The following CC2D1A variants were observed in gnomAD, a reference collection of about 807,000 sequenced individuals.
CC2D1A encodes the protein coiled-coil and C2 domain containing 1A.
CC2D1A carries 68 observed loss-of-function variants against 123.8 expected under a neutral mutation model. The ratio of observed to expected loss-of-function variants is 0.55; its 90% CI spans 0.45 to 0.67. The LOEUF (loss-of-function observed/expected upper bound fraction) is 0.67, where lower values mean the gene tolerates loss of function less well. Among genes scored for constraint, CC2D1A ranks in the 30% least tolerant of loss-of-function variants. CC2D1A has a pLI of 0.00. For synonymous variants in CC2D1A, 477 were observed against 528.0 expected, an observed-to-expected ratio of 0.90 and a Z score of 1.32; for missense variants, 1,185 against 1,290.3, an observed-to-expected ratio of 0.92 and a Z score of 1.25.
chr19:13,918,409 G>A (rs772854877), intron 7 of CC2D1A, 95 bp from the exon 8 acceptor site: 86 of 1,265,708 alleles, frequency 6.8e-5, no homozygotes, highest in Non-Finnish European at 8.3e-5. Flanking sequence ...GAGGGAGCTA[G>A]AAGTCCTCGG....
At position 13,906,468 on chromosome 19, in the gene CC2D1A, AC is replaced by A; in HGVS notation, c.32del (p.Pro11ArgfsTer22). 1.3e-6 allele frequency: 2 copies of A among 1,514,084 alleles called. No homozygotes were observed. Among genetic ancestry groups the A allele is most frequent in the Non-Finnish European group, 8.8e-7 (1 of 1,133,852 alleles). The allele number at this position is 1,514,084 out of a possible 1,614,324, so 93.8% of individuals were successfully genotyped here. A position where few individuals can be genotyped will look rare whatever the true frequency, so the allele number is the denominator to read the frequency against. On this transcript the variant is annotated frameshift_variant, in exon 1 of 29. Transcript: ENST00000318003. LOFTEE classifies it high-confidence loss of function. This position sits in a 1 kb window ranked among gnomAD's most constrained non-coding sequence, Gnocchi z 4.1. ...TGCACAAGAGGAAAGGACCCCCGGG[AC>A]CCCCGGGCAGAGGCGCCGCGGCCGC... is the stretch of plus-strand genomic sequence containing the variant. MHKRKGPPG[P>X]PGRGAAAARQ...
At chr19:13,928,770 G>A (rs1226842843) in intron 24 of CC2D1A, among the ~76,000 whole-genome samples, 13 of 147,244 alleles carry the variant, frequency 8.8e-5, no homozygotes, top group East Asian at 2.0e-4. Context: ...GTGCAATGGC[G>A]CGATCTCAGC....
chr19:13,930,491 G>T lies in CC2D1A; in HGVS notation c.*96G>T, dbSNP rs140566596. 527 of 1,378,390 alleles carry T rather than the reference G, an allele frequency of 3.8e-4. 5 individuals are homozygous for T. The African/African-American group carries it at 6.7e-3, about 17-fold the overall frequency. The allele number at this position is 1,378,390 out of a possible 1,614,324, so 85.4% of individuals were successfully genotyped here. On this transcript the variant is annotated 3_prime_UTR_variant, in exon 29 of 29. Coordinates refer to ENST00000318003, the MANE Select transcript of CC2D1A (RefSeq NM_017721.5). The surrounding 1 kb of genome is among the most constrained non-coding windows in gnomAD (Gnocchi z 6.8). ...CACGAACCAGACAAGCAGACAATCA[G>T]CGGACAATCGGTTCTGGACTCACCC...
Position 13,923,228 on chromosome 19 carries a change from C to T in CC2D1A, c.1642-105C>T, listed in dbSNP as rs1244884209. On this transcript the variant is annotated intron_variant, in intron 14 of 28. Coordinates refer to ENST00000318003, the MANE Select transcript of CC2D1A (RefSeq NM_017721.5). This position sits in a 1 kb window ranked among gnomAD's most constrained non-coding sequence, Gnocchi z 5.3. Reference sequence around the variant, plus strand: ...AAAGACCAGAGAAGGGTGACAGAGCCGTGGTCAGGGAATGCCCCTCGTCAA... The same window carrying T: ...AAAGACCAGAGAAGGGTGACAGAGCTGTGGTCAGGGAATGCCCCTCGTCAA... The T allele has an allele frequency of 1.6e-5, 22 of 1,363,034 alleles. No homozygotes were observed. Among genetic ancestry groups the T allele is most frequent in the Non-Finnish European group, 2.1e-5 (21 of 1,010,224 alleles). The allele number at this position is 1,363,034 out of a possible 1,614,324, so 84.4% of individuals were successfully genotyped here.
chr19:13,924,701 C>T (rs1015591676), intron 17 of CC2D1A, among the ~76,000 whole-genome samples: 7 of 152,280 alleles, frequency 4.6e-5, no homozygotes, highest in Admixed American at 2.6e-4. Flanking sequence ...TTAAATGATC[C>T]GCCTGCCTTG....
chr19:13,906,464 C>A lies in CC2D1A; in HGVS notation c.23C>A (p.Pro8Gln). The A allele has an allele frequency of 6.6e-7, 1 of 1,516,182 alleles. No homozygotes were observed. 93.9% of individuals were successfully genotyped at this position (1,516,182 alleles called of 1,614,324 possible). A position where few individuals can be genotyped will look rare whatever the true frequency, so the allele number is the denominator to read the frequency against. Residue 8 changes from proline (P) to glutamine (Q), a missense_variant, in exon 1 of 29, where the codon CCG becomes CAG. Pro to Gln is a moderately conservative substitution (Grantham distance 76). Transcript: ENST00000318003. This position sits in a 1 kb window ranked among gnomAD's most constrained non-coding sequence, Gnocchi z 4.1. Reference protein sequence around the residue: MHKRKGPPGPPGRGAAAA... With the variant: MHKRKGPQGPPGRGAAAA... ...AAGATGCACAAGAGGAAAGGACCCC[C>A]GGGACCCCCGGGCAGAGGCGCCGCG...
chr19:13,908,306 G>A (rs758969122), intron 1 of CC2D1A, among the ~76,000 whole-genome samples: 1 of 151,752 alleles, frequency 6.6e-6, no homozygotes, highest in Non-Finnish European at 1.5e-5. Context: ...CACCGTGCCC[G>A]GCCTAATTTT....
chr19:13,909,348 C>G (rs1486924595), intron 1 of CC2D1A, among the ~76,000 whole-genome samples: 1 of 151,792 alleles, frequency 6.6e-6, no homozygotes, highest in Non-Finnish European at 1.5e-5. Flanking sequence ...TGCACTCCAG[C>G]CTGGGTGACA....
intron 17 of CC2D1A, among the ~76,000 whole-genome samples, chr19:13,926,069 C>CGTATATATATGTATAT (rs1568419149): frequency 3.2e-4 from 26 of 82,008 alleles, no homozygotes; most frequent in African/African-American, 2.8e-3. Flanking sequence ...TATATATACA[C>CGTATATATATGTATAT]ACACACACAC....
Position 13,929,486 on chromosome 19 carries a change from G to A in CC2D1A, c.2583+44G>A, listed in dbSNP as rs199875837. 334 of 1,612,812 alleles carry A rather than the reference G, an allele frequency of 2.1e-4. 3 individuals carry two copies. The African/African-American group carries it at 4.0e-3, about 20-fold the overall frequency. ...GGGCTACATGGGGCAGGACTGGGGA[G>A]TCTGCAGGCCCAGGCAGGATCCTCA... On this transcript the variant is annotated intron_variant, in intron 25 of 28. Transcript: ENST00000318003.
intron 2 of CC2D1A, among the ~76,000 whole-genome samples, chr19:13,911,550 T>G (rs954692928): frequency 3.3e-5 from 5 of 149,772 alleles, no homozygotes; most frequent in African/African-American, 1.2e-4. Context: ...TGTGTGTTTT[T>G]TTTTTTTTTT....
intron 9 of CC2D1A, 27 bp downstream of exon 9, chr19:13,918,844 G>T: frequency 6.2e-7 from 1 of 1,611,630 alleles, no homozygotes; most frequent in Non-Finnish European, 8.5e-7. Context: ...TCTGGGGTTG[G>T]GGGCAGGCTG....
In CC2D1A at chr19:13,926,542, G is replaced by A. The variant is rs775641463; in HGVS notation, c.1966G>A (p.Asp656Asn). The A allele has an allele frequency of 1.4e-5, 23 of 1,613,970 alleles. No homozygotes were observed. In the Admixed American group the frequency reaches 2.2e-4, roughly 15 times the overall value. The change falls in exon 18 of 29, where the codon GAC becomes AAC. Residue 656 changes from aspartate to asparagine, a missense_variant. Transcript: ENST00000318003. ...IKIFPDLSSN[D>N]MLLFIVKGIN... Reference sequence around the variant, plus strand: ...GATCTTCCCTGACCTCAGCAGCAACGACATGCTCCTCTTCATCGTGAAGGG... The same window carrying A: ...GATCTTCCCTGACCTCAGCAGCAACAACATGCTCCTCTTCATCGTGAAGGG...
chr19:13,925,968 ATATATGTG>A (rs1228960894), intron 17 of CC2D1A, among the ~76,000 whole-genome samples: 9 of 134,024 alleles, frequency 6.7e-5, no homozygotes, highest in African/African-American at 2.8e-4. Context: ...ATACACGTAT[ATATATGTG>A]TATATATATA....
Position 13,919,213 on chromosome 19 carries a change from C to T in CC2D1A, c.1222+11C>T. 6.2e-7 allele frequency: 1 copy of T among 1,600,834 alleles called. No individual in the cohort carries two copies. The highest frequency in any genetic ancestry group is 8.5e-7 in the Non-Finnish European group (1 of 1,172,292). ...TGCCCGTGCCCCCAGGTAGGCCTTGCCCCTGTAGGCCTCGCCCCAGTAGGC... is the reference window on the plus strand; with the variant it reads ...TGCCCGTGCCCCCAGGTAGGCCTTGTCCCTGTAGGCCTCGCCCCAGTAGGC... On this transcript the variant is annotated intron_variant, in intron 11 of 28. Transcript: ENST00000318003.
chr19:13,922,656 C>T (rs1971448317), intron 14 of CC2D1A, among the ~76,000 whole-genome samples: 1 of 152,184 alleles, frequency 6.6e-6, no homozygotes, highest in African/African-American at 2.4e-5. Context: ...AATGTCAGCC[C>T]CACGAGGGCA....
chr19:13,929,722 G>A (rs1308403103), intron 26 of CC2D1A, 62 bp downstream of exon 26: 10 of 1,131,764 alleles, frequency 8.8e-6, no homozygotes, highest in African/African-American at 4.3e-5. Context: ...TGGGGGGGGA[G>A]GTGCTCAGGG....
Position 13,927,420 on chromosome 19 carries a change from A to G in CC2D1A, c.2316+155A>G. 1.4e-5 allele frequency: 9 copies of G among 629,318 alleles called. No individual in the cohort carries two copies. In the South Asian group the frequency reaches 1.6e-4, roughly 11 times the overall value. The allele number at this position is 629,318 out of a possible 1,614,324, so 39.0% of individuals were successfully genotyped here. A position where few individuals can be genotyped will look rare whatever the true frequency, so the allele number is the denominator to read the frequency against. On this transcript the variant is annotated intron_variant, in intron 22 of 28. Transcript: ENST00000318003. ...ACCTCCCTACTGCCCAGCCCTAAATACTTGCAGTACCCCACTCCATTATGA... is the reference window on the plus strand; with the variant it reads ...ACCTCCCTACTGCCCAGCCCTAAATGCTTGCAGTACCCCACTCCATTATGA...
intron 4 of CC2D1A, among the ~76,000 whole-genome samples, chr19:13,912,965 C>A (rs1195736318): frequency 6.6e-6 from 1 of 152,192 alleles, no homozygotes; most frequent in Non-Finnish European, 1.5e-5. Context: ...CCTTCACAGC[C>A]ATGTGACCCA....
Sources: allele counts gnomAD v4.1 joint callset (sites outside exome capture counted in the v4.1 genomes callset), GRCh38; gene constraint gnomAD v4.1.1; non-coding constraint Gnocchi (gnomAD v3.1); transcripts MANE v1.5; gene names NCBI Gene and HGNC (gene_info 2026-07-23, HGNC 2026-07-21).